The following NEGR1 variants were observed in gnomAD, a reference collection of about 807,000 sequenced individuals.
NEGR1 encodes the protein neuronal growth regulator 1.
NEGR1 carries 10 observed loss-of-function variants against 40.9 expected under a neutral mutation model. That is an observed-to-expected ratio of 0.24 (90% CI 0.15 to 0.42). The LOEUF is 0.42. NEGR1 is among the 10% of genes least tolerant of loss of function. NEGR1 has a pLI of 1.00. For missense variants in NEGR1, 352 were observed against 438.9 expected, an observed-to-expected ratio of 0.80 and a Z score of 1.77; for synonymous variants, 185 against 166.8, an observed-to-expected ratio of 1.11 and a Z score of -0.84.
intron 4 of NEGR1, among the ~76,000 whole-genome samples, chr1:71,682,748 T>C (rs1211806333): frequency 6.6e-6 from 1 of 152,190 alleles, no homozygotes; most frequent in Non-Finnish European, 1.5e-5. Flanking sequence ...GGGAGGTATT[T>C]TGGTCGTGGG....
At chr1:71,935,375 TTC>T (rs377305872) in intron 1 of NEGR1, 64 bp from the exon 2 acceptor site, 122 of 1,167,762 alleles carry the variant, frequency 1.0e-4, no homozygotes, top group Non-Finnish European at 1.5e-4. Context: ...CATTATTTTG[TTC>T]TGAGTGTTTT....
At chr1:71,731,934 A>G (rs1025313201) in intron 3 of NEGR1, among the ~76,000 whole-genome samples, 1 of 152,188 alleles carries the variant, frequency 6.6e-6, no homozygotes, top group African/African-American at 2.4e-5. Flanking sequence ...TTAGACTTCT[A>G]TTTGCATCCT....
intron 6 of NEGR1, chr1:71,489,678 T>G (rs1412584085): frequency 6.6e-6 from 1 of 151,818 alleles, no homozygotes; most frequent in Non-Finnish European, 1.5e-5. Context: ...TTTTCTTTTT[T>G]CTTTTTTCTT....
chr1:72,130,493 T>C (rs1157075050), intron 1 of NEGR1, among the ~76,000 whole-genome samples: 2 of 152,186 alleles, frequency 1.3e-5, no homozygotes, highest in Non-Finnish European at 1.5e-5. Flanking sequence ...GATGTCAAGT[T>C]TCCCTAATAA....
intron 1 of NEGR1, among the ~76,000 whole-genome samples, chr1:72,273,508 TACA>T (rs1234324886): frequency 2.6e-5 from 4 of 151,968 alleles, no homozygotes; most frequent in East Asian, 1.9e-4. Flanking sequence ...TTCAAAATCT[TACA>T]ACAACTAGGT....
intron 1 of NEGR1, among the ~76,000 whole-genome samples, chr1:72,073,005 G>A (rs771890636): frequency 9.9e-5 from 15 of 152,138 alleles, no homozygotes; most frequent in Non-Finnish European, 1.5e-4. Flanking sequence ...CTTCAAGATA[G>A]AGATTTGTAT....
intron 3 of NEGR1, among the ~76,000 whole-genome samples, chr1:71,703,932 C>A (rs887439070): frequency 6.6e-6 from 1 of 151,012 alleles, no homozygotes; most frequent in Non-Finnish European, 1.5e-5. Flanking sequence ...AATAAAAAAG[C>A]AAATATAAGA....
At chr1:72,081,358 ATC>A (rs1557517061) in intron 1 of NEGR1, among the ~76,000 whole-genome samples, 1 of 152,070 alleles carries the variant, frequency 6.6e-6, no homozygotes, top group African/African-American at 2.4e-5. Flanking sequence ...CTGTATAAAT[ATC>A]TCTCCCTCTG....
intron 2 of NEGR1, among the ~76,000 whole-genome samples, chr1:71,843,158 A>G (rs1193692942): frequency 1.3e-5 from 2 of 152,130 alleles, no homozygotes; most frequent in Non-Finnish European, 2.9e-5. Flanking sequence ...ATTAAAGAGG[A>G]CATCCATGCC....
intron 6 of NEGR1, among the ~76,000 whole-genome samples, chr1:71,575,770 G>A (rs559364657): frequency 1.3e-5 from 2 of 151,740 alleles, no homozygotes; most frequent in South Asian, 2.1e-4. Context: ...GCGACAGTGC[G>A]AGACTCCGGC....
intron 1 of NEGR1, among the ~76,000 whole-genome samples, chr1:72,116,698 TA>T (rs987384599): frequency 6.6e-6 from 1 of 151,728 alleles, no homozygotes; most frequent in African/African-American, 2.4e-5. Flanking sequence ...ACTTAAAACT[TA>T]AAAACACATT....
chr1:71,423,660 T>C (rs1646411260), intron 6 of NEGR1, among the ~76,000 whole-genome samples: 1 of 152,154 alleles, frequency 6.6e-6, no homozygotes, highest in Non-Finnish European at 1.5e-5. Context: ...TTGCAATTCC[T>C]GAGGATACGT....
chr1:71,750,414 T>C (rs1553162834), intron 3 of NEGR1, among the ~76,000 whole-genome samples: 1 of 152,204 alleles, frequency 6.6e-6, no homozygotes, highest in Non-Finnish European at 1.5e-5. Context: ...ATATATGTAT[T>C]AGTCTGTTTT....
chr1:72,198,058 A>G (rs1653063198), intron 1 of NEGR1, among the ~76,000 whole-genome samples: 1 of 152,058 alleles, frequency 6.6e-6, no homozygotes, highest in East Asian at 1.9e-4. Context: ...TGAAAGATCT[A>G]TAATTGGTGG....
chr1:72,039,269 A>G (rs1407068948), intron 1 of NEGR1, among the ~76,000 whole-genome samples: 1 of 152,018 alleles, frequency 6.6e-6, no homozygotes, highest in African/African-American at 2.4e-5. Context: ...TCTTCCTGTA[A>G]GCACTGGGAA....
chr1:71,975,539 G>A (rs1646294316), intron 1 of NEGR1, among the ~76,000 whole-genome samples: 1 of 152,112 alleles, frequency 6.6e-6, no homozygotes, highest in South Asian at 2.1e-4. Context: ...TTAAAAGTGA[G>A]GCCTAATACT....
intron 1 of NEGR1, among the ~76,000 whole-genome samples, chr1:72,133,423 G>A (rs1650330354): frequency 6.6e-6 from 1 of 151,904 alleles, no homozygotes. Flanking sequence ...TAAGGAAAGG[G>A]AAAAAATAGG....
intron 1 of NEGR1, among the ~76,000 whole-genome samples, chr1:72,130,228 A>C (rs900466994): frequency 6.6e-5 from 10 of 152,266 alleles, no homozygotes; most frequent in African/African-American, 2.4e-4. Context: ...GCATGTTTTT[A>C]ACTACAGGCT....
In NEGR1 at chr1:71,833,634, A is replaced by T. The variant is rs536552859; in HGVS notation, c.410-57337T>A. On this transcript the variant is annotated intron_variant, in intron 2 of 6. Coordinates refer to ENST00000357731, the MANE Select transcript of NEGR1 (RefSeq NM_173808.3). ...CCCTATTCTGTCTCCAGCAATACAA[A>T]AGCTGGGTCAGTCTTTCAGCACTTG... 1.7e-4 allele frequency among the ~76,000 whole-genome samples: 26 copies of T among 152,164 alleles called. No homozygotes were observed. The East Asian group carries it at 4.9e-3, about 28-fold the overall frequency.
Sources: gnomAD v4.1 joint callset for allele counts (sites outside exome capture counted in the v4.1 genomes callset) on GRCh38, gnomAD v4.1.1 for gene constraint, MANE v1.5 for transcripts, NCBI Gene and HGNC (gene_info 2026-07-23, HGNC 2026-07-21) for gene names.